Variants in PARD3 observed in about 807,000 individuals in gnomAD.
The protein encoded by PARD3 is partitioning defective 3 homolog.
Under a neutral mutation model 155.4 loss-of-function variants are expected in PARD3, and 75 were observed. The observed-to-expected ratio is 0.48, with a 90% CI of 0.40 to 0.58. The LOEUF (loss-of-function observed/expected upper bound fraction) is 0.58, where lower values mean the gene tolerates loss of function less well. Ranked by LOEUF, PARD3 falls within the 20% of genes least tolerant of loss-of-function variation. The pLI is 0.00. For missense variants in PARD3, 1,642 were observed against 1,721.7 expected (o/e 0.95, Z 0.82); for synonymous variants, 576 against 610.5 (o/e 0.94, Z 0.83).
intron 2 of PARD3, among the ~76,000 whole-genome samples, chr10:34,627,294 C>A (rs989118961): frequency 7.2e-5 from 11 of 152,196 alleles, no homozygotes; most frequent in Non-Finnish European, 1.2e-4. Context: ...TCCCGAAGTG[C>A]TGGGATTACA....
chr10:34,495,477 T>A (rs886490512), intron 3 of PARD3, among the ~76,000 whole-genome samples: 2 of 152,230 alleles, frequency 1.3e-5, no homozygotes, highest in African/African-American at 2.4e-5. Context: ...GACATAGCTG[T>A]GAAAACTGAA....
chr10:34,549,197 CT>C (rs1319352691), intron 2 of PARD3, among the ~76,000 whole-genome samples: 38 of 152,292 alleles, frequency 2.5e-4, no homozygotes, highest in African/African-American at 8.2e-4. Context: ...AAGAAGAGCT[CT>C]GTGGGGATTA....
chr10:34,576,655 G>A (rs1237926455), intron 2 of PARD3, among the ~76,000 whole-genome samples: 2 of 152,026 alleles, frequency 1.3e-5, no homozygotes, highest in East Asian at 1.9e-4. Flanking sequence ...CTCTATTGAA[G>A]GAGATGACTG....
chr10:34,516,504 G>T (rs901577458), intron 3 of PARD3, among the ~76,000 whole-genome samples: 1 of 152,136 alleles, frequency 6.6e-6, no homozygotes, highest in African/African-American at 2.4e-5. Context: ...CCCTAAGGAG[G>T]TATTCTAATC....
chr10:34,409,924 G>A (rs1269132586), intron 5 of PARD3, among the ~76,000 whole-genome samples: 1 of 151,966 alleles, frequency 6.6e-6, no homozygotes, highest in African/African-American at 2.4e-5. Flanking sequence ...TAAAAAACAC[G>A]GATTTTGCAT....
intron 2 of PARD3, among the ~76,000 whole-genome samples, chr10:34,571,796 A>G (rs1254868583): frequency 6.6e-6 from 1 of 152,236 alleles, no homozygotes; most frequent in African/African-American, 2.4e-5. Flanking sequence ...TCTTTTATTT[A>G]AATGCAGGTA....
At chr10:34,562,123 CAAAAAAAA>C (rs3041198) in intron 2 of PARD3, among the ~76,000 whole-genome samples, 2 of 26,354 alleles carry the variant, frequency 7.6e-5, no homozygotes, top group Non-Finnish European at 1.4e-4. Flanking sequence ...CTGACTGTCT[CAAAAAAAA>C]AAAAAAAAAA....
At chr10:34,304,319 G>A (rs1032733324) in intron 20 of PARD3, among the ~76,000 whole-genome samples, 2 of 149,840 alleles carry the variant, frequency 1.3e-5, no homozygotes, top group African/African-American at 5.0e-5. Flanking sequence ...AACAAAGTGA[G>A]TCCCCATCTC....
At chr10:34,141,884 G>A (rs1588908981) in intron 22 of PARD3, among the ~76,000 whole-genome samples, 1 of 152,228 alleles carries the variant, frequency 6.6e-6, no homozygotes, top group East Asian at 1.9e-4. Context: ...TACTCAAAAG[G>A]ACAGCTGAAT....
chr10:34,403,215 ATAATT>A (rs1488807654), intron 5 of PARD3, among the ~76,000 whole-genome samples: 1 of 152,260 alleles, frequency 6.6e-6, no homozygotes, highest in African/African-American at 2.4e-5. Context: ...ATGTATACAT[ATAATT>A]TGTTAGGTTG....
intron 2 of PARD3, among the ~76,000 whole-genome samples, chr10:34,609,126 C>T (rs2090691991): frequency 6.6e-6 from 1 of 152,154 alleles, no homozygotes; most frequent in Non-Finnish European, 1.5e-5. Flanking sequence ...TAATTTTGGA[C>T]TCAAGTCAGT....
At chr10:34,587,318 T>A (rs531774924) in intron 2 of PARD3, among the ~76,000 whole-genome samples, 5 of 152,220 alleles carry the variant, frequency 3.3e-5, no homozygotes, top group African/African-American at 1.2e-4. Context: ...AGATGGGGTT[T>A]CACCATCTTG....
At chr10:34,776,840 G>GC (rs1839603324) in intron 1 of PARD3, among the ~76,000 whole-genome samples, 1 of 130,440 alleles carries the variant, frequency 7.7e-6, no homozygotes, top group African/African-American at 2.9e-5. Flanking sequence ...TTTTGTGGGG[G>GC]GGGGGGGCGG....
intron 22 of PARD3, among the ~76,000 whole-genome samples, chr10:34,152,449 T>C (rs7909110): frequency 0.19 from 29,473 of 152,240 alleles, 3,544 homozygotes; most frequent in Middle Eastern, 0.39. Flanking sequence ...AACATAATGG[T>C]ATTTGTGTAT....
chr10:34,487,683 A>C (rs1286432144), intron 3 of PARD3, among the ~76,000 whole-genome samples: 2 of 151,144 alleles, frequency 1.3e-5, no homozygotes, highest in Non-Finnish European at 2.9e-5. Context: ...ATGGTCCTTC[A>C]TGCAGTGCTG....
chr10:34,314,324 G>A (rs562485189), intron 20 of PARD3, among the ~76,000 whole-genome samples: 1 of 152,192 alleles, frequency 6.6e-6, no homozygotes, highest in Non-Finnish European at 1.5e-5. Flanking sequence ...TGCTTTAACA[G>A]TCTTCTCAAA....
At chr10:34,627,061 T>C (rs1476482743) in intron 2 of PARD3, among the ~76,000 whole-genome samples, 1 of 151,674 alleles carries the variant, frequency 6.6e-6, no homozygotes, top group Non-Finnish European at 1.5e-5. Context: ...ATTCTATCAC[T>C]GAGGTTAGAG....
chr10:34,715,664 T>A (rs1485983906), intron 1 of PARD3, among the ~76,000 whole-genome samples: 1 of 152,228 alleles, frequency 6.6e-6, no homozygotes, highest in East Asian at 1.9e-4. Flanking sequence ...AAGATGTGCA[T>A]GTTTTACCGT....
chr10:34,518,823 T>C (rs930069731), intron 2 of PARD3, among the ~76,000 whole-genome samples: 2 of 152,176 alleles, frequency 1.3e-5, no homozygotes, highest in Non-Finnish European at 2.9e-5. Flanking sequence ...GATATTTGCA[T>C]AGCTCAAAAT....
Sources: gnomAD v4.1 joint callset for allele counts (sites outside exome capture counted in the v4.1 genomes callset) on GRCh38, gnomAD v4.1.1 for gene constraint, MANE v1.5 for transcripts, NCBI Gene and HGNC (gene_info 2026-07-23, HGNC 2026-07-21) for gene names.